Variants in SOX5 observed in about 807,000 individuals in gnomAD.
The protein encoded by SOX5 is transcription factor SOX-5.
In SOX5, 9 loss-of-function variants were observed where a neutral mutation model predicts 92.0. The observed-to-expected ratio is 0.10, with a 90% CI of 0.06 to 0.17. The LOEUF (loss-of-function observed/expected upper bound fraction) is 0.17. Ranked by LOEUF, SOX5 falls within the 10% of genes least tolerant of loss-of-function variation. The pLI is 1.00. For synonymous variants in SOX5, 344 were observed against 336.3 expected (o/e 1.02, Z -0.25); for missense variants, 642 against 944.5 (o/e 0.68, Z 4.20).
intron 3 of SOX5, among the ~76,000 whole-genome samples, chr12:23,782,746 T>C (rs1470732003): frequency 1.3e-5 from 2 of 152,180 alleles, no homozygotes; most frequent in East Asian, 3.8e-4. Flanking sequence ...ATGTTTGTCA[T>C]AAAGTGCTTC....
intron 4 of SOX5, among the ~76,000 whole-genome samples, chr12:23,999,517 G>C (rs945632264): frequency 6.6e-6 from 1 of 151,966 alleles, no homozygotes; most frequent in Non-Finnish European, 1.5e-5. Context: ...CTGGATTGTG[G>C]TAATCATTTC....
At chr12:24,106,557 G>A (rs1368213302) in intron 4 of SOX5, among the ~76,000 whole-genome samples, 2 of 151,988 alleles carry the variant, frequency 1.3e-5, no homozygotes, top group African/African-American at 2.4e-5. Flanking sequence ...TCGGGAGGTC[G>A]ACGCAGGCGG....
chr12:23,917,341 G>A (rs1595626622), intron 1 of SOX5, among the ~76,000 whole-genome samples: 1 of 152,004 alleles, frequency 6.6e-6, no homozygotes, highest in East Asian at 1.9e-4. Flanking sequence ...AAGAGTTCGA[G>A]ACCAGCCTGA....
chr12:24,450,930 A>G (rs2137324968), intron 1 of SOX5, among the ~76,000 whole-genome samples: 1 of 152,256 alleles, frequency 6.6e-6, no homozygotes, highest in Non-Finnish European at 1.5e-5. Context: ...CCCATTAATC[A>G]TCCCTGCTTC....
intron 3 of SOX5, among the ~76,000 whole-genome samples, chr12:24,271,982 A>ACAC (rs71448003): frequency 1.2e-4 from 18 of 150,630 alleles, no homozygotes; most frequent in Admixed American, 2.7e-4. Context: ...CACACACACA[A>ACAC]ACACACACAC....
intron 1 of SOX5, among the ~76,000 whole-genome samples, chr12:23,936,511 G>A (rs1942587732): frequency 6.6e-6 from 1 of 150,676 alleles, no homozygotes. Context: ...TCCACTTTGT[G>A]GTAGAAGAAG....
At chr12:24,446,533 C>A (rs1423036219) in intron 1 of SOX5, among the ~76,000 whole-genome samples, 1 of 152,146 alleles carries the variant, frequency 6.6e-6, no homozygotes, top group Non-Finnish European at 1.5e-5. Context: ...GAGAGATGAG[C>A]AAGAACTGGG....
chr12:24,004,184 C>T (rs190095553), intron 4 of SOX5, among the ~76,000 whole-genome samples: 1 of 150,934 alleles, frequency 6.6e-6, no homozygotes, highest in East Asian at 1.9e-4. Context: ...GTAAAAACTA[C>T]ATCTAGAAAT....
rs1417342939 is a variant in SOX5, at chr12:24,272,765, T to G, written c.-77+4451A>C. On this transcript the variant is annotated intron_variant, in intron 3 of 4. Transcript: ENST00000446891. ...ATTTTTGTTTTATATATTGCCAAAT[T>G]TGAATTGCTAATATTCTGTTGAGGA... Among the ~76,000 whole-genome samples, 9 of 152,226 alleles carry G rather than the reference T, an allele frequency of 5.9e-5. No individual in the cohort carries two copies. The South Asian group carries it at 1.9e-3, about 32-fold the overall frequency.
intron 6 of SOX5, among the ~76,000 whole-genome samples, chr12:23,712,644 G>A (rs922916940): frequency 1.3e-5 from 2 of 152,182 alleles, no homozygotes; most frequent in Admixed American, 6.5e-5. Flanking sequence ...GATGGGCCAA[G>A]ATTTAAACAA....
intron 2 of SOX5, among the ~76,000 whole-genome samples, chr12:24,338,375 C>T (rs1011070320): frequency 1.9e-4 from 29 of 152,106 alleles, no homozygotes; most frequent in African/African-American, 7.0e-4. Flanking sequence ...TAAGCATGTG[C>T]TCTGTTCTTC....
intron 4 of SOX5, among the ~76,000 whole-genome samples, chr12:24,181,676 G>A (rs1168805412): frequency 6.6e-6 from 1 of 152,114 alleles, no homozygotes; most frequent in African/African-American, 2.4e-5. Flanking sequence ...CAATATTTTA[G>A]AATTAGCTAG....
chr12:23,715,327 C>T (rs2092412924), intron 6 of SOX5, among the ~76,000 whole-genome samples: 1 of 122,426 alleles, frequency 8.2e-6, no homozygotes, highest in African/African-American at 3.5e-5. Context: ...TAAATGCATT[C>T]TATGATGGTA....
At chr12:24,200,941 G>C (rs1957455652) in intron 4 of SOX5, among the ~76,000 whole-genome samples, 1 of 152,164 alleles carries the variant, frequency 6.6e-6, no homozygotes, top group African/African-American at 2.4e-5. Flanking sequence ...TGCTGCTCAA[G>C]GTTCCTTTGG....
At chr12:23,811,374 A>G (rs2095872754) in intron 3 of SOX5, among the ~76,000 whole-genome samples, 1 of 152,166 alleles carries the variant, frequency 6.6e-6, no homozygotes, top group Non-Finnish European at 1.5e-5. Context: ...CAGCAGACAT[A>G]AAGTTTGCCC....
intron 2 of SOX5, among the ~76,000 whole-genome samples, chr12:23,862,550 T>C (rs868338140): frequency 6.6e-5 from 10 of 152,210 alleles, no homozygotes; most frequent in Admixed American, 4.6e-4. Context: ...AATCCACTTA[T>C]GTTAAATTTG....
At chr12:23,735,660 T>C (rs1180763635) in intron 5 of SOX5, among the ~76,000 whole-genome samples, 1 of 152,188 alleles carries the variant, frequency 6.6e-6, no homozygotes, top group East Asian at 1.9e-4. Flanking sequence ...GGTCCATTTA[T>C]TGAGAAACTT....
intron 3 of SOX5, among the ~76,000 whole-genome samples, chr12:23,776,413 T>G (rs183302640): frequency 6.6e-6 from 1 of 152,282 alleles, no homozygotes; most frequent in Admixed American, 6.5e-5. Context: ...GGCAAGAAAT[T>G]TTATTTTTGA....
intron 4 of SOX5, among the ~76,000 whole-genome samples, chr12:24,053,178 G>GC (rs142757056): frequency 1.4e-4 from 19 of 136,816 alleles, no homozygotes; most frequent in East Asian, 6.0e-4. Flanking sequence ...GCTACTGCAC[G>GC]CCCCCCCCCT....
Sources: gnomAD v4.1 joint callset for allele counts (sites outside exome capture counted in the v4.1 genomes callset) on GRCh38, gnomAD v4.1.1 for gene constraint, MANE v1.5 for transcripts, NCBI Gene and HGNC (gene_info 2026-07-23, HGNC 2026-07-21) for gene names.